The following CNBD1 variants were observed in gnomAD, a reference collection of about 807,000 sequenced individuals.
CNBD1 encodes cyclic nucleotide binding domain containing 1.
A neutral mutation model predicts 54.4 loss-of-function variants in CNBD1; 71 were observed. That is an observed-to-expected ratio of 1.30 (90% CI 1.08 to 1.59). The LOEUF (loss-of-function observed/expected upper bound fraction) is 1.59. Among genes scored for constraint, CNBD1 ranks in the 40% most tolerant of loss-of-function variants. CNBD1 has a pLI of 0.00. For missense variants in CNBD1, 659 were observed against 518.0 expected, an observed-to-expected ratio of 1.27 and a Z score of -2.64; for synonymous variants, 182 against 170.7, an observed-to-expected ratio of 1.07 and a Z score of -0.51.
intron 4 of CNBD1, among the ~76,000 whole-genome samples, chr8:87,190,392 A>C (rs1813576003): frequency 6.6e-6 from 1 of 151,780 alleles, no homozygotes; most frequent in African/African-American, 2.4e-5. Context: ...TTCTACCATT[A>C]TTTTTCCAGG....
intron 4 of CNBD1, among the ~76,000 whole-genome samples, chr8:87,077,409 CTTCTTTT>C (rs1810894714): frequency 7.8e-6 from 1 of 128,244 alleles, no homozygotes; most frequent in African/African-American, 3.1e-5. Context: ...TCTTCTTCTT[CTTCTTTT>C]TTTTTTTTTT....
chr8:87,149,545 C>G (rs922426709), intron 4 of CNBD1, among the ~76,000 whole-genome samples: 4 of 152,170 alleles, frequency 2.6e-5, no homozygotes, highest in Non-Finnish European at 5.9e-5. Flanking sequence ...GCCATTTTCA[C>G]ATGCTGCCCC....
rs181623787 is a variant in CNBD1, at chr8:86,939,812, T to G, written c.431+58T>G. 3.1e-4 allele frequency: 339 copies of G among 1,108,634 alleles called. No individual in the cohort carries two copies. In the East Asian group the frequency reaches 8.7e-3, roughly 28 times the overall value. The allele number at this position is 1,108,634 out of a possible 1,614,324, so 68.7% of individuals were successfully genotyped here. On this transcript the variant is annotated intron_variant, in intron 4 of 10. Transcript: ENST00000518476. ...TGAGTAATTCTTTTGAATGGCTTTA[T>G]TTTTTAAAGTTTATTGTTTGTGGGT...
chr8:87,347,652 G>A (rs1810200922), intron 8 of CNBD1, among the ~76,000 whole-genome samples: 1 of 152,112 alleles, frequency 6.6e-6, no homozygotes, highest in Non-Finnish European at 1.5e-5. Flanking sequence ...TTTAAAGTTG[G>A]TAAGAAAGAT....
chr8:87,009,675 G>A (rs1809175082), intron 4 of CNBD1, among the ~76,000 whole-genome samples: 1 of 151,982 alleles, frequency 6.6e-6, no homozygotes. Flanking sequence ...ACCCTTTCTT[G>A]TACTCTTCAT....
intron 2 of CNBD1, among the ~76,000 whole-genome samples, chr8:87,427,112 T>G (rs1671036623): frequency 6.6e-6 from 1 of 151,638 alleles, no homozygotes; most frequent in Non-Finnish European, 1.5e-5. Flanking sequence ...ACCTCGCAGT[T>G]CCCCCTGTAA....
intron 4 of CNBD1, among the ~76,000 whole-genome samples, chr8:87,003,062 TTTCTC>T (rs1809026033): frequency 6.6e-6 from 1 of 152,216 alleles, no homozygotes; most frequent in Non-Finnish European, 1.5e-5. Context: ...CACAGTTCTC[TTTCTC>T]TTATTTTCAT....
chr8:87,222,304 C>T (rs962306436), intron 5 of CNBD1, among the ~76,000 whole-genome samples: 3 of 152,030 alleles, frequency 2.0e-5, no homozygotes, highest in African/African-American at 4.8e-5. Context: ...TTCATTTATT[C>T]GACGAGTGTT....
intron 2 of CNBD1, among the ~76,000 whole-genome samples, chr8:87,391,435 A>G (rs1811307420): frequency 6.6e-6 from 1 of 152,072 alleles, no homozygotes; most frequent in South Asian, 2.1e-4. Context: ...CAAAGCGGAC[A>G]GACATACACC....
chr8:86,971,416 G>A (rs1205165151), intron 4 of CNBD1, among the ~76,000 whole-genome samples: 1 of 152,126 alleles, frequency 6.6e-6, no homozygotes, highest in Admixed American at 6.5e-5. Context: ...TGAGATTTGG[G>A]TGGAGATGAA....
chr8:86,942,521 G>C (rs1402761603), intron 4 of CNBD1, among the ~76,000 whole-genome samples: 1 of 152,174 alleles, frequency 6.6e-6, no homozygotes, highest in African/African-American at 2.4e-5. Context: ...ATGGCTTTCA[G>C]CAGGGGGCCC....
intron 10 of CNBD1, among the ~76,000 whole-genome samples, chr8:87,370,335 G>C (rs1283694441): frequency 2.0e-5 from 3 of 152,142 alleles, no homozygotes; most frequent in South Asian, 2.1e-4. Context: ...TTAGTTTACA[G>C]TCCCATCAAC....
At chr8:87,304,496 T>G (rs1297019439) in intron 8 of CNBD1, among the ~76,000 whole-genome samples, 22 of 148,464 alleles carry the variant, frequency 1.5e-4, no homozygotes, top group African/African-American at 5.0e-4. Context: ...TGGGGTGGGG[T>G]GAGGGGGGAG....
At chr8:87,409,588 A>G (rs1258280681) in intron 2 of CNBD1, among the ~76,000 whole-genome samples, 1 of 152,120 alleles carries the variant, frequency 6.6e-6, no homozygotes, top group Admixed American at 6.6e-5. Context: ...TCATAGCAGG[A>G]GAAGAGAAGT....
intron 5 of CNBD1, among the ~76,000 whole-genome samples, chr8:87,208,956 G>A (rs1336651131): frequency 6.6e-6 from 1 of 151,886 alleles, no homozygotes; most frequent in Admixed American, 6.6e-5. Context: ...ATTTTCTGTT[G>A]TGGTTTATAT....
intron 4 of CNBD1, among the ~76,000 whole-genome samples, chr8:87,091,847 C>T (rs534587324): frequency 3.9e-5 from 6 of 152,100 alleles, no homozygotes; most frequent in East Asian, 1.9e-4. Context: ...CACACACACA[C>T]GTTCAGCAAT....
chr8:87,227,726 T>A (rs988641312), intron 5 of CNBD1, among the ~76,000 whole-genome samples: 3 of 149,256 alleles, frequency 2.0e-5, no homozygotes, highest in Admixed American at 6.7e-5. Context: ...GTCTTGGAGT[T>A]GCTCTTCTCG....
chr8:87,411,193 T>G lies in CNBD1; in HGVS notation c.214-17353T>G, dbSNP rs545386941. Among the ~76,000 whole-genome samples, 38 of 151,698 alleles carry G rather than the reference T, an allele frequency of 2.5e-4. No individual in the cohort carries two copies. The South Asian group carries it at 4.0e-3, about 16-fold the overall frequency. On this transcript the variant is annotated intron_variant, in intron 2 of 7. Coordinates refer to the CNBD1 transcript ENST00000521593. ...TACTTACCTGTCTCTAAGAATAGAGTGTATAGCCATCCAAGGTCAGAGGCT... is the reference window on the plus strand; with the variant it reads ...TACTTACCTGTCTCTAAGAATAGAGGGTATAGCCATCCAAGGTCAGAGGCT...
At chr8:87,250,499 T>C (rs1807893491) in intron 6 of CNBD1, among the ~76,000 whole-genome samples, 1 of 152,154 alleles carries the variant, frequency 6.6e-6, no homozygotes, top group Non-Finnish European at 1.5e-5. Context: ...ATGAAATCAG[T>C]ATATCAAAGA....
Sources: gnomAD v4.1 joint callset for allele counts (sites outside exome capture counted in the v4.1 genomes callset) on GRCh38, gnomAD v4.1.1 for gene constraint, MANE v1.5 for transcripts, NCBI Gene and HGNC (gene_info 2026-07-23, HGNC 2026-07-21) for gene names.